LRRC4C: variants seen among roughly 807,000 people sequenced by gnomAD.
LRRC4C encodes the protein leucine rich repeat containing 4C.
In LRRC4C, 5 loss-of-function variants were observed where a neutral mutation model predicts 33.6. That is an observed-to-expected ratio of 0.15 (90% confidence interval 0.08 to 0.31). The LOEUF (loss-of-function observed/expected upper bound fraction) is 0.31, where lower values mean the gene tolerates loss of function less well. LRRC4C is among the 10% of genes least tolerant of loss of function. The probability of loss-of-function intolerance (pLI) is 1.00; values close to 1 mark genes in which losing one functional copy is unlikely to be tolerated. For synonymous variants in LRRC4C, 329 were observed against 302.0 expected, an observed-to-expected ratio of 1.09 and a Z score of -0.93; for missense variants, 560 against 796.7, an observed-to-expected ratio of 0.70 and a Z score of 3.58.
intron 3 of LRRC4C, among the ~76,000 whole-genome samples, chr11:40,380,155 G>A (rs561407790): frequency 3.3e-5 from 5 of 152,246 alleles, no homozygotes; most frequent in African/African-American, 1.2e-4. Context: ...ATATTTCACG[G>A]AGGAGGCTAT....
At chr11:40,935,816 CTTGAT>C (rs1255472012) in intron 1 of LRRC4C, among the ~76,000 whole-genome samples, 4 of 151,224 alleles carry the variant, frequency 2.6e-5, no homozygotes, top group Admixed American at 6.6e-5. Flanking sequence ...AGTTCATTCT[CTTGAT>C]TTAAGAAAAT....
intron 2 of LRRC4C, among the ~76,000 whole-genome samples, chr11:40,786,529 C>A (rs955371693): frequency 6.6e-6 from 1 of 152,110 alleles, no homozygotes; most frequent in Middle Eastern, 3.2e-3. Context: ...GACATATAAA[C>A]GTATATCATA....
intron 1 of LRRC4C, among the ~76,000 whole-genome samples, chr11:40,984,199 GGAAGGAAGGAAA>G (rs1022485672): frequency 6.8e-5 from 10 of 146,294 alleles, no homozygotes; most frequent in African/African-American, 2.5e-4. Flanking sequence ...AAGGAAGGTA[GGAAGGAAGGAAA>G]GAAGGAAGGA....
intron 1 of LRRC4C, among the ~76,000 whole-genome samples, chr11:41,385,661 T>C (rs1953333284): frequency 6.6e-6 from 1 of 151,382 alleles, no homozygotes; most frequent in East Asian, 1.9e-4. Context: ...GAGCAGAAAA[T>C]TTTAAAAACA....
At chr11:41,133,039 C>T (rs893559400) in intron 1 of LRRC4C, among the ~76,000 whole-genome samples, 4 of 152,094 alleles carry the variant, frequency 2.6e-5, no homozygotes, top group Non-Finnish European at 4.4e-5. Flanking sequence ...ATGTCTTTTT[C>T]CCTTTAGGTA....
intron 2 of LRRC4C, among the ~76,000 whole-genome samples, chr11:40,828,145 A>G (rs534772295): frequency 8.3e-4 from 56 of 67,618 alleles, no homozygotes; most frequent in Non-Finnish European, 1.5e-3. Flanking sequence ...TTGTATGTAT[A>G]CAAACATACA....
intron 1 of LRRC4C, among the ~76,000 whole-genome samples, chr11:41,226,746 A>ACACACACG (rs1158572276): frequency 7.4e-5 from 11 of 147,770 alleles, no homozygotes; most frequent in Admixed American, 6.8e-4. Context: ...ACCATTACAC[A>ACACACACG]CACACACACA....
chr11:40,362,619 C>T (rs1394532163), intron 3 of LRRC4C, among the ~76,000 whole-genome samples: 1 of 152,024 alleles, frequency 6.6e-6, no homozygotes, highest in Non-Finnish European at 1.5e-5. Context: ...ACTTGGGAGG[C>T]CAAGGAGGCA....
chr11:41,359,820 T>G (rs1468038675), intron 1 of LRRC4C, among the ~76,000 whole-genome samples: 2 of 152,168 alleles, frequency 1.3e-5, no homozygotes, highest in Non-Finnish European at 2.9e-5. Flanking sequence ...CCTGCGTGCT[T>G]AACCACTTAA....
chr11:40,345,099 T>C (rs989635082), intron 3 of LRRC4C, among the ~76,000 whole-genome samples: 1 of 152,170 alleles, frequency 6.6e-6, no homozygotes, highest in Non-Finnish European at 1.5e-5. Context: ...ACAGAATTTG[T>C]AGATTCCATG....
At chr11:40,844,237 A>AT (rs1221497241) in intron 2 of LRRC4C, among the ~76,000 whole-genome samples, 3 of 141,120 alleles carry the variant, frequency 2.1e-5, no homozygotes, top group South Asian at 2.3e-4. Context: ...TTAAAGTATA[A>AT]TAAAAAAAAA....
intron 5 of LRRC4C, among the ~76,000 whole-genome samples, chr11:40,179,074 G>A (rs774467536): frequency 1.3e-5 from 2 of 151,122 alleles, no homozygotes; most frequent in Non-Finnish European, 2.9e-5. Flanking sequence ...GGGCAATCTC[G>A]GTTCACTGCA....
chr11:40,332,573 A>G (rs1445078702), intron 3 of LRRC4C, among the ~76,000 whole-genome samples: 2 of 152,220 alleles, frequency 1.3e-5, no homozygotes, highest in Non-Finnish European at 2.9e-5. Context: ...ACATCTTTTT[A>G]TCATCAACAC....
At chr11:40,813,317 CG>C (rs1951570716) in intron 2 of LRRC4C, among the ~76,000 whole-genome samples, 1 of 152,014 alleles carries the variant, frequency 6.6e-6, no homozygotes, top group Non-Finnish European at 1.5e-5. Flanking sequence ...ATAATCATGG[CG>C]GAAGGCAAAG....
chr11:41,372,785 C>CAAAAAAA (rs33945657), intron 1 of LRRC4C, among the ~76,000 whole-genome samples: 1 of 118,072 alleles, frequency 8.5e-6, no homozygotes, highest in Non-Finnish European at 1.8e-5. Flanking sequence ...AAGAGGGCAC[C>CAAAAAAA]AAAAAAAAAA....
chr11:41,012,807 G>T (rs769272520), intron 1 of LRRC4C, among the ~76,000 whole-genome samples: 4 of 151,948 alleles, frequency 2.6e-5, no homozygotes, highest in Non-Finnish European at 5.9e-5. Flanking sequence ...ATATCTCTTT[G>T]TGGTTTGAAT....
intron 3 of LRRC4C, among the ~76,000 whole-genome samples, chr11:40,569,997 C>A (rs144967047): frequency 0.017 from 2,616 of 151,048 alleles, 39 homozygotes; most frequent in South Asian, 0.035. Flanking sequence ...GTATAAAATG[C>A]AAAAATAATA....
chr11:41,448,595 T>G (rs1050283377), intron 1 of LRRC4C, among the ~76,000 whole-genome samples: 2 of 152,142 alleles, frequency 1.3e-5, no homozygotes, highest in African/African-American at 4.8e-5. Flanking sequence ...CATGAGCCAC[T>G]GCGCCCAGCT....
At position 40,517,295 on chromosome 11, in the gene LRRC4C, G is replaced by C. The variant is rs1228206762; in HGVS notation, c.-270+130847C>G. On this transcript the variant is annotated intron_variant, in intron 3 of 6. Coordinates refer to ENST00000528697, the MANE Select transcript of LRRC4C (RefSeq NM_001258419.2). ...TGCCAAACACAGTGAAACAAAAAGA[G>C]GTTCAATCGATGACTTTTCCAGTGT... Among the ~76,000 whole-genome samples, 35 of 152,090 alleles carry C rather than the reference G, an allele frequency of 2.3e-4. 1 individual carries two copies. Among genetic ancestry groups the C allele is most frequent in the Non-Finnish European group, 2.9e-5 (2 of 68,018 alleles).
Sources: gnomAD v4.1 joint callset for allele counts (sites outside exome capture counted in the v4.1 genomes callset) on GRCh38, gnomAD v4.1.1 for gene constraint, MANE v1.5 for transcripts, NCBI Gene and HGNC (gene_info 2026-07-23, HGNC 2026-07-21) for gene names.